Variants in PTPN4 observed in about 807,000 individuals in gnomAD.
PTPN4 encodes tyrosine-protein phosphatase non-receptor type 4.
A neutral mutation model predicts 135.5 loss-of-function variants in PTPN4; 49 were observed. The observed-to-expected ratio is 0.36, with a 90% CI of 0.29 to 0.46. The LOEUF (loss-of-function observed/expected upper bound fraction) is 0.46. Ranked by LOEUF, PTPN4 falls within the 20% of genes least tolerant of loss-of-function variation. The pLI, the probability that PTPN4 is intolerant of heterozygous loss-of-function variation, is 1.00. For missense variants in PTPN4, 860 were observed against 1,101.0 expected (o/e 0.78, Z 3.10); for synonymous variants, 333 against 369.9 (o/e 0.90, Z 1.14).
chr2:119,889,595 T>TA (rs145029215), intron 9 of PTPN4, among the ~76,000 whole-genome samples: 3,664 of 152,154 alleles, frequency 0.024, 64 homozygotes, highest in Non-Finnish European at 0.033. Flanking sequence ...TTATCCATCA[T>TA]TTTTTTTATG....
intron 19 of PTPN4, among the ~76,000 whole-genome samples, chr2:119,953,150 G>A (rs566436526): frequency 1.3e-4 from 20 of 152,150 alleles, no homozygotes; most frequent in Non-Finnish European, 2.2e-4. Context: ...AGTTTTATAT[G>A]TCTAATATCC....
intron 5 of PTPN4, 143 bp downstream of exon 5, chr2:119,877,685 G>T: frequency 8.4e-7 from 1 of 1,190,124 alleles, no homozygotes; most frequent in Non-Finnish European, 1.1e-6. Flanking sequence ...GCTATTCCAA[G>T]ATAACGTTTT....
At chr2:119,829,245 A>G (rs1238509740) in intron 2 of PTPN4, among the ~76,000 whole-genome samples, 1 of 152,172 alleles carries the variant, frequency 6.6e-6, no homozygotes, top group Non-Finnish European at 1.5e-5. Context: ...TGTGATTCAC[A>G]TTAAAGTGGA....
intron 1 of PTPN4, among the ~76,000 whole-genome samples, chr2:119,788,619 CT>C (rs1691085955): frequency 6.6e-6 from 1 of 152,144 alleles, no homozygotes; most frequent in South Asian, 2.1e-4. Context: ...CCCCATTCTA[CT>C]TTTTGTCTGT....
chr2:119,829,331 T>C (rs1677187888), intron 2 of PTPN4, among the ~76,000 whole-genome samples: 1 of 152,238 alleles, frequency 6.6e-6, no homozygotes, highest in East Asian at 1.9e-4. Flanking sequence ...TGTTGTAAAA[T>C]ACATATAACG....
rs1574431096 is a variant in PTPN4, at chr2:119,980,243, A to G, written c.*3173A>G. On this transcript the variant is annotated 3_prime_UTR_variant, in exon 27 of 27. Coordinates refer to ENST00000263708, the MANE Select transcript of PTPN4 (RefSeq NM_002830.4). Reference sequence around the variant, plus strand: ...AGGTTTCAAATATGTGTACACACACATAGAGCTACTTTTGTGTGTTTATTT... The same window carrying G: ...AGGTTTCAAATATGTGTACACACACGTAGAGCTACTTTTGTGTGTTTATTT... 1 of 152,152 alleles carries G rather than the reference A, an allele frequency of 6.6e-6. No individual in the cohort carries two copies. Among genetic ancestry groups the G allele is most frequent in the Non-Finnish European group, 1.5e-5 (1 of 67,954 alleles). The allele number at this position is 152,152 out of a possible 1,614,324, so 9.4% of individuals were successfully genotyped here.
rs1677379756 is a variant in PTPN4, at chr2:119,841,462, TA to T, written c.139-21073del. ...TTCCTCTTTCTGTATGCTTTTTACA[TA>T]CAAAGAATCTTTTTGGTTCTTTTTA... On this transcript the variant is annotated intron_variant, in intron 2 of 26. Transcript: ENST00000263708. Among the ~76,000 whole-genome samples the T allele has an allele frequency of 4.6e-5, 7 of 152,322 alleles. No homozygotes were observed. The South Asian group carries it at 1.4e-3, about 32-fold the overall frequency.
chr2:119,912,878 T>C (rs114646842), intron 10 of PTPN4, among the ~76,000 whole-genome samples: 3,162 of 152,234 alleles, frequency 0.021, 59 homozygotes, highest in Non-Finnish European at 0.033. Context: ...CCTGTTCTTT[T>C]CTATGCTTTT....
intron 10 of PTPN4, among the ~76,000 whole-genome samples, chr2:119,906,027 G>C (rs897702078): frequency 1.3e-5 from 2 of 152,058 alleles, no homozygotes; most frequent in African/African-American, 4.8e-5. Context: ...CAAATAAACA[G>C]TTTAATGATG....
chr2:119,792,918 C>T (rs549614495), intron 1 of PTPN4, among the ~76,000 whole-genome samples: 1 of 152,282 alleles, frequency 6.6e-6, no homozygotes, highest in Admixed American at 6.5e-5. Context: ...ACAGAGATCA[C>T]ATGCTTCAAA....
intron 3 of PTPN4, among the ~76,000 whole-genome samples, chr2:119,865,354 T>C (rs961505591): frequency 6.6e-6 from 1 of 152,188 alleles, no homozygotes; most frequent in Non-Finnish European, 1.5e-5. Context: ...ATCAACTAAA[T>C]AATATTCCAT....
intron 8 of PTPN4, among the ~76,000 whole-genome samples, chr2:119,882,826 G>A (rs1037501035): frequency 2.6e-5 from 4 of 152,058 alleles, no homozygotes; most frequent in African/African-American, 9.7e-5. Flanking sequence ...TTTCTATTCA[G>A]AGCCATTAAG....
intron 1 of PTPN4, among the ~76,000 whole-genome samples, chr2:119,777,016 ATTCT>A (rs1393820335): frequency 6.6e-6 from 1 of 152,160 alleles, no homozygotes. Flanking sequence ...AACGGCTTCC[ATTCT>A]TTCTTAGAGT....
intron 9 of PTPN4, among the ~76,000 whole-genome samples, chr2:119,894,125 T>G (rs537646136): frequency 6.6e-6 from 1 of 152,322 alleles, no homozygotes; most frequent in African/African-American, 2.4e-5. Context: ...ACGGAAAAGT[T>G]AAGTAATGTG....
intron 15 of PTPN4, 119 bp downstream of exon 15, chr2:119,935,077 A>T (rs1460946577): frequency 1.7e-6 from 2 of 1,194,282 alleles, no homozygotes; most frequent in East Asian, 4.8e-5. Flanking sequence ...ACTTTTCAAA[A>T]TGTGTATGTT....
intron 2 of PTPN4, among the ~76,000 whole-genome samples, chr2:119,822,944 T>G (rs1276634626): frequency 6.6e-6 from 1 of 152,208 alleles, no homozygotes; most frequent in Non-Finnish European, 1.5e-5. Flanking sequence ...CAAGTTTTTA[T>G]TTTTGAAGTT....
intron 1 of PTPN4, among the ~76,000 whole-genome samples, chr2:119,806,417 G>T (rs555103201): frequency 6.6e-6 from 1 of 152,000 alleles, no homozygotes; most frequent in Non-Finnish European, 1.5e-5. Flanking sequence ...AAAAAGCAGG[G>T]GTTGCAATCC....
rs1234246527 is a variant in PTPN4, at chr2:119,977,843, T to G, written c.*773T>G. ...CCTTAAGTGCCTTGAGACGTCCTTG[T>G]ATGTCTAACGAAAAGGCACTCATTT... On this transcript the variant is annotated 3_prime_UTR_variant, in exon 27 of 27. Coordinates refer to ENST00000263708, the MANE Select transcript of PTPN4 (RefSeq NM_002830.4). The G allele has an allele frequency of 6.6e-6, 1 of 152,234 alleles. No individual in the cohort carries two copies. Among genetic ancestry groups the G allele is most frequent in the Non-Finnish European group, 1.5e-5 (1 of 68,030 alleles). 9.4% of individuals were successfully genotyped at this position (152,234 alleles called of 1,614,324 possible).
chr2:119,870,345 A>G (rs369187687), intron 3 of PTPN4, among the ~76,000 whole-genome samples: 1 of 152,226 alleles, frequency 6.6e-6, no homozygotes, highest in South Asian at 2.1e-4. Flanking sequence ...AATAGAAATT[A>G]TGAATAAATA....
Sources: gnomAD v4.1 joint callset for allele counts (sites outside exome capture counted in the v4.1 genomes callset) on GRCh38, gnomAD v4.1.1 for gene constraint, MANE v1.5 for transcripts, NCBI Gene and HGNC (gene_info 2026-07-23, HGNC 2026-07-21) for gene names.